The following PACRG variants were observed in gnomAD, a reference collection of about 807,000 sequenced individuals.
PACRG encodes the protein parkin coregulated.
Under a neutral mutation model 29.7 loss-of-function variants are expected in PACRG, and 29 were observed. The observed-to-expected ratio is 0.98, with a 90% confidence interval of 0.73 to 1.33. PACRG has a LOEUF of 1.33. Among genes scored for constraint, PACRG ranks in the 40% most tolerant of loss-of-function variants. PACRG has a pLI of 0.00. For synonymous variants in PACRG, 116 were observed against 118.7 expected (o/e 0.98, Z 0.15); for missense variants, 279 against 316.2 (o/e 0.88, Z 0.89).
intron 4 of PACRG, among the ~76,000 whole-genome samples, chr6:163,261,166 C>T (rs538917748): frequency 7.9e-5 from 12 of 152,104 alleles, no homozygotes; most frequent in Non-Finnish European, 1.8e-4. Flanking sequence ...GTTCCTGAGC[C>T]CGGAGCTGAT....
intron 4 of PACRG, among the ~76,000 whole-genome samples, chr6:163,171,292 G>T (rs1307225654): frequency 1.3e-5 from 2 of 152,148 alleles, no homozygotes; most frequent in Admixed American, 6.5e-5. Flanking sequence ...CAGATCAAAG[G>T]GGGAAGTCCC....
intron 2 of PACRG, among the ~76,000 whole-genome samples, chr6:162,929,622 T>C (rs73605876): frequency 0.13 from 18,997 of 151,944 alleles, 1,747 homozygotes; most frequent in East Asian, 0.27. Flanking sequence ...TCGTCTTTGC[T>C]TCTGAGGTCT....
chr6:162,879,762 G>A (rs1355162512), intron 2 of PACRG, among the ~76,000 whole-genome samples: 2 of 152,118 alleles, frequency 1.3e-5, no homozygotes, highest in Non-Finnish European at 2.9e-5. Flanking sequence ...CAGGAGATGA[G>A]GCTGACTGTG....
At chr6:162,940,282 A>C (rs1241969956) in intron 2 of PACRG, among the ~76,000 whole-genome samples, 1 of 152,160 alleles carries the variant, frequency 6.6e-6, no homozygotes, top group Non-Finnish European at 1.5e-5. Flanking sequence ...TGTTCTAGGC[A>C]AGGCAGAGAT....
intron 4 of PACRG, among the ~76,000 whole-genome samples, chr6:163,133,531 C>A (rs187245382): frequency 6.6e-6 from 1 of 152,128 alleles, no homozygotes; most frequent in Non-Finnish European, 1.5e-5. Context: ...TAGAGAGGAG[C>A]CTATTACCCA....
At chr6:163,245,634 C>T (rs549030697) in intron 4 of PACRG, among the ~76,000 whole-genome samples, 3 of 152,278 alleles carry the variant, frequency 2.0e-5, no homozygotes, top group African/African-American at 7.2e-5. Context: ...TCACAGTTTT[C>T]AACACCGTCT....
intron 2 of PACRG, among the ~76,000 whole-genome samples, chr6:162,960,675 C>A (rs1309990625): frequency 1.3e-5 from 2 of 152,098 alleles, no homozygotes; most frequent in African/African-American, 4.8e-5. Flanking sequence ...TACCTGGATG[C>A]AATATATTCA....
intron 1 of PACRG, among the ~76,000 whole-genome samples, chr6:162,740,911 T>A (rs1780543125): frequency 6.6e-6 from 1 of 152,168 alleles, no homozygotes; most frequent in African/African-American, 2.4e-5. Flanking sequence ...TTCAATTTTT[T>A]ATATTCTTAA....
At chr6:162,890,302 GA>G (rs1794660841) in intron 2 of PACRG, among the ~76,000 whole-genome samples, 1 of 152,010 alleles carries the variant, frequency 6.6e-6, no homozygotes, top group Admixed American at 6.5e-5. Flanking sequence ...TTAATCTAAG[GA>G]AGAAACCTTA....
At chr6:163,075,281 G>A (rs1293240596) in intron 3 of PACRG, among the ~76,000 whole-genome samples, 1 of 152,104 alleles carries the variant, frequency 6.6e-6, no homozygotes, top group Non-Finnish European at 1.5e-5. Flanking sequence ...CACAACAATA[G>A]CTCAAGGCTC....
chr6:163,296,615 T>A (rs1297301974), intron 4 of PACRG, among the ~76,000 whole-genome samples: 8 of 152,148 alleles, frequency 5.3e-5, no homozygotes, highest in African/African-American at 1.9e-4. Context: ...ACTTTTTACA[T>A]GGAGAATGTT....
intron 4 of PACRG, among the ~76,000 whole-genome samples, chr6:163,153,642 T>G (rs13215511): frequency 0.15 from 22,302 of 152,178 alleles, 1,702 homozygotes; most frequent in East Asian, 0.31. Context: ...GATGGATGAC[T>G]CAATTAAATA....
chr6:162,867,303 T>C (rs951361440), intron 2 of PACRG, among the ~76,000 whole-genome samples: 7 of 152,206 alleles, frequency 4.6e-5, no homozygotes, highest in Admixed American at 1.3e-4. Context: ...TTATTCTATT[T>C]TTGTTTTTAT....
intron 2 of PACRG, among the ~76,000 whole-genome samples, chr6:162,893,678 A>C (rs1318476918): frequency 6.6e-6 from 1 of 152,178 alleles, no homozygotes; most frequent in Non-Finnish European, 1.5e-5. Context: ...TGAGAATGGA[A>C]GTCGACACCA....
intron 4 of PACRG, among the ~76,000 whole-genome samples, chr6:163,238,326 A>G (rs915070492): frequency 6.6e-6 from 1 of 152,240 alleles, no homozygotes; most frequent in African/African-American, 2.4e-5. Context: ...TGAGTTTTAT[A>G]TACAACAGTA....
At chr6:162,837,358 G>A (rs1789322233) in intron 2 of PACRG, among the ~76,000 whole-genome samples, 1 of 152,100 alleles carries the variant, frequency 6.6e-6, no homozygotes, top group African/African-American at 2.4e-5. Flanking sequence ...GACTCTAGCA[G>A]CTGTTTCAAC....
chr6:163,177,932 T>C (rs1304211940), intron 4 of PACRG, among the ~76,000 whole-genome samples: 1 of 151,934 alleles, frequency 6.6e-6, no homozygotes, highest in East Asian at 1.9e-4. Context: ...GGACCATTTG[T>C]TCACCACAGG....
intron 1 of PACRG, among the ~76,000 whole-genome samples, chr6:162,747,861 A>G (rs375685815): frequency 9.7e-4 from 147 of 152,158 alleles, no homozygotes; most frequent in African/African-American, 2.9e-3. Flanking sequence ...TAATCCACAA[A>G]TATCCTTAAA....
chr6:162,867,550 C>T (rs1328326987), intron 2 of PACRG, among the ~76,000 whole-genome samples: 1 of 152,164 alleles, frequency 6.6e-6, no homozygotes, highest in Non-Finnish European at 1.5e-5. Flanking sequence ...ACTCTCCTCT[C>T]TCCGCTCCCA....
Sources: allele counts gnomAD v4.1 joint callset (sites outside exome capture counted in the v4.1 genomes callset), GRCh38; gene constraint gnomAD v4.1.1; transcripts MANE v1.5; gene names NCBI Gene and HGNC (gene_info 2026-07-23, HGNC 2026-07-21).